Variants in LPXN observed in about 807,000 individuals in gnomAD.
LPXN encodes the protein leupaxin.
A neutral mutation model predicts 45.6 loss-of-function variants in LPXN; 28 were observed. The observed-to-expected ratio is 0.61, with a 90% confidence interval of 0.45 to 0.84. The LOEUF is 0.84. LPXN is among the 40% of genes least tolerant of loss of function. The pLI is 0.00. For synonymous variants in LPXN, 166 were observed against 169.9 expected (o/e 0.98, Z 0.18); for missense variants, 459 against 475.0 (o/e 0.97, Z 0.31).
upstream of LPXN, chr11:58,578,115 C>G (rs549285953): frequency 4.6e-6 from 7 of 1,527,744 alleles, no homozygotes; most frequent in African/African-American, 7.0e-5. Flanking sequence ...GGCAGTTACG[C>G]AGACACCCCG....
In LPXN at chr11:58,550,113, C is replaced by G; in HGVS notation, c.520G>C (p.Glu174Gln). ...TTGCAATGAGTACAGACAAAATGCT[C>G]AGGATGCCATGATTGCCCTAGAGCA... ...IHALGQSWHP[E>Q]HFVCTHCKEE... Residue 174 changes from glutamate to glutamine, a missense_variant, in exon 6 of 9, where the codon GAG becomes CAG. Coordinates refer to ENST00000395074, the MANE Select transcript of LPXN (RefSeq NM_004811.3). The G allele has an allele frequency of 6.2e-7, 1 of 1,614,118 alleles. No homozygotes were observed. Among genetic ancestry groups the G allele is most frequent in the Non-Finnish European group, 8.5e-7 (1 of 1,179,968 alleles).
At chr11:58,530,132 G>A (rs2120177045) in intron 7 of LPXN, among the ~76,000 whole-genome samples, 1 of 152,318 alleles carries the variant, frequency 6.6e-6, no homozygotes, top group South Asian at 2.1e-4. Flanking sequence ...CACTGAGCTA[G>A]CTTTAGAAGT....
intron 3 of LPXN, among the ~76,000 whole-genome samples, chr11:58,558,403 A>G (rs1347286401): frequency 6.6e-6 from 1 of 151,738 alleles, no homozygotes; most frequent in Non-Finnish European, 1.5e-5. Context: ...CAGATGTGGT[A>G]GCACACATCT....
intron 4 of LPXN, among the ~76,000 whole-genome samples, chr11:58,551,933 A>T (rs1262588831): frequency 1.3e-5 from 2 of 152,234 alleles, no homozygotes; most frequent in African/African-American, 4.8e-5. Context: ...TTGGCACATT[A>T]GAAGAAAAGT....
chr11:58,546,132 G>T (rs1394164586), intron 7 of LPXN, among the ~76,000 whole-genome samples: 1 of 152,044 alleles, frequency 6.6e-6, no homozygotes, highest in Non-Finnish European at 1.5e-5. Context: ...AAATTTTCAA[G>T]AATTTAAAGT....
intron 2 of LPXN, among the ~76,000 whole-genome samples, chr11:58,568,353 A>G (rs1176191024): frequency 6.6e-6 from 1 of 152,198 alleles, no homozygotes; most frequent in Non-Finnish European, 1.5e-5. Context: ...TTGTAATCCC[A>G]GCACTTTGGG....
upstream of LPXN, chr11:58,577,947 G>A: frequency 1.3e-6 from 2 of 1,525,452 alleles, no homozygotes; most frequent in Non-Finnish European, 1.8e-6. Flanking sequence ...AGGGCTCCGA[G>A]GGCCCAAGGA....
At chr11:58,576,776 C>A (rs1487402471), upstream of LPXN, among the ~76,000 whole-genome samples, 1 of 152,060 alleles carries the variant, frequency 6.6e-6, no homozygotes, top group Non-Finnish European at 1.5e-5. Flanking sequence ...AACACCGTAG[C>A]CTTCTTTACT....
chr11:58,545,298 A>AT (rs1429038089), intron 7 of LPXN, among the ~76,000 whole-genome samples: 5 of 152,064 alleles, frequency 3.3e-5, no homozygotes, highest in African/African-American at 1.2e-4. Flanking sequence ...TGGATTGGGT[A>AT]TTTTTTTGTG....
In LPXN at chr11:58,564,975, C is replaced by T. The variant is rs558791315; in HGVS notation, c.172-774G>A. ...ACCACCTGGAGCATCTGTGGAACCA[C>T]GAGAAGGAGAGTGTGGCCTGAGCAG... is the stretch of plus-strand genomic sequence containing the variant. On this transcript the variant is annotated intron_variant, in intron 2 of 8. Transcript: ENST00000395074. 2.4e-4 allele frequency among the ~76,000 whole-genome samples: 37 copies of T among 152,160 alleles called. No homozygotes were observed. In the South Asian group the frequency reaches 7.5e-3, roughly 31 times the overall value.
chr11:58,535,259 GT>G (rs1417007984), intron 7 of LPXN, among the ~76,000 whole-genome samples: 1 of 152,182 alleles, frequency 6.6e-6, no homozygotes, highest in Non-Finnish European at 1.5e-5. Context: ...GAACATCAAT[GT>G]GAAAATCCTC....
At chr11:58,535,745 T>C (rs1377694022) in intron 7 of LPXN, among the ~76,000 whole-genome samples, 1 of 152,216 alleles carries the variant, frequency 6.6e-6, no homozygotes, top group African/African-American at 2.4e-5. Flanking sequence ...TGTTTGCAGA[T>C]GACATGATTG....
upstream of LPXN, chr11:58,576,018 T>C (rs1854879553): frequency 6.5e-6 from 8 of 1,235,780 alleles, no homozygotes; most frequent in East Asian, 2.8e-5. Context: ...ATTTGCATTA[T>C]GGCAGTGCAT....
At chr11:58,546,183 A>G (rs1179383272) in intron 7 of LPXN, among the ~76,000 whole-genome samples, 1 of 152,146 alleles carries the variant, frequency 6.6e-6, no homozygotes, top group African/African-American at 2.4e-5. Flanking sequence ...AAATAAGAAA[A>G]CTGGAACTTA....
Position 58,527,606 on chromosome 11 carries a change from T to C in LPXN, c.1009A>G (p.Thr337Ala), listed in dbSNP as rs1206401088. 1.2e-6 allele frequency: 2 copies of C among 1,614,068 alleles called. No individual in the cohort carries two copies. The highest frequency in any genetic ancestry group is 3.3e-5 in the Admixed American group (2 of 60,006). Residue 337 changes from threonine to alanine, a missense_variant, in exon 9 of 9, where the codon ACT (threonine) becomes GCT (alanine). Coordinates refer to ENST00000395074, the MANE Select transcript of LPXN (RefSeq NM_004811.3). Reference sequence around the variant, plus strand: ...CCCATGGCACTGATACAACGGCCAGTGATGGGCTGCCCACACCCATGGCAG... The same window carrying C: ...CCCATGGCACTGATACAACGGCCAGCGATGGGCTGCCCACACCCATGGCAG... ...TLCHGCGQPI[T>A]GRCISAMGYK... is the part of the protein sequence containing the mutation.
At chr11:58,553,513 T>A (rs1223029720) in intron 4 of LPXN, among the ~76,000 whole-genome samples, 1 of 152,134 alleles carries the variant, frequency 6.6e-6, no homozygotes, top group Non-Finnish European at 1.5e-5. Context: ...CACTGGCCCA[T>A]CAAAGGATGT....
At chr11:58,549,420 C>G (rs1459104734) in intron 7 of LPXN, among the ~76,000 whole-genome samples, 1 of 151,920 alleles carries the variant, frequency 6.6e-6, no homozygotes, top group Non-Finnish European at 1.5e-5. Context: ...AAACAAACAA[C>G]AACAACAACA....
chr11:58,562,109 TTC>T (rs1281818107), intron 3 of LPXN, among the ~76,000 whole-genome samples: 3 of 152,182 alleles, frequency 2.0e-5, no homozygotes, highest in Non-Finnish European at 4.4e-5. Flanking sequence ...CCCTACTTAT[TTC>T]TCTGTTATAT....
intron 7 of LPXN, among the ~76,000 whole-genome samples, chr11:58,536,128 T>C (rs1231453374): frequency 2.0e-5 from 3 of 152,182 alleles, no homozygotes; most frequent in African/African-American, 4.8e-5. Flanking sequence ...CAAGCTACCA[T>C]TGACTTTCTT....
Sources: gnomAD v4.1 joint callset for allele counts (sites outside exome capture counted in the v4.1 genomes callset) on GRCh38, gnomAD v4.1.1 for gene constraint, MANE v1.5 for transcripts, NCBI Gene and HGNC (gene_info 2026-07-23, HGNC 2026-07-21) for gene names.